The following SMYD1 variants were observed in gnomAD, a reference collection of about 807,000 sequenced individuals.
SMYD1 encodes the protein SET and MYND domain containing 1, also known as histone-lysine N-methyltransferase SMYD1.
A neutral mutation model predicts 54.0 loss-of-function variants in SMYD1; 49 were observed. That is an observed-to-expected ratio of 0.91 (90% CI 0.72 to 1.15). SMYD1 has a LOEUF of 1.15. SMYD1 is among the 50% of genes most tolerant of loss of function. The probability of loss-of-function intolerance (pLI) is 0.00; values close to 1 mark genes in which losing one functional copy is unlikely to be tolerated. For missense variants in SMYD1, 653 were observed against 639.6 expected (o/e 1.02, Z -0.23); for synonymous variants, 269 against 234.2 (o/e 1.15, Z -1.36).
At chr2:88,088,556 C>T (rs1674392322) in intron 3 of SMYD1, among the ~76,000 whole-genome samples, 1 of 152,184 alleles carries the variant, frequency 6.6e-6, no homozygotes, top group African/African-American at 2.4e-5. Flanking sequence ...GCCATTCCTG[C>T]TGTATCTGAA....
At position 88,068,000 on chromosome 2, in the gene SMYD1, A is replaced by G. The variant is rs1558844104; in HGVS notation, c.136A>G (p.Ser46Gly). Residue 46 changes from serine to glycine, a missense_variant and splice_region_variant, in exon 1 of 10, where the codon AGC becomes GGC. Physicochemically the swap from Ser to Gly is moderately conservative, Grantham distance 56. Coordinates refer to ENST00000419482, the MANE Select transcript of SMYD1 (RefSeq NM_198274.4). ...ERAYSAVVFD[S>G]LVNFVCHTCF... Reference sequence around the variant, plus strand: ...GGCTTATTCCGCAGTGGTTTTTGACAGGTATGAAATGTGGGGAGTTGCCTT... The same window carrying G: ...GGCTTATTCCGCAGTGGTTTTTGACGGGTATGAAATGTGGGGAGTTGCCTT... The G allele has an allele frequency of 2.5e-6, 4 of 1,612,630 alleles. No individual in the cohort carries two copies. Among genetic ancestry groups the G allele is most frequent in the Non-Finnish European group, 2.5e-6 (3 of 1,179,470 alleles).
intron 4 of SMYD1, 147 bp downstream of exon 4, chr2:88,091,289 A>G (rs1378166825): frequency 8.3e-6 from 7 of 846,068 alleles, no homozygotes; most frequent in Middle Eastern, 3.6e-4. Context: ...TCATTCCAGA[A>G]TAATTGTGAA....
At chr2:88,071,260 T>G (rs1372061126) in intron 1 of SMYD1, among the ~76,000 whole-genome samples, 1 of 152,200 alleles carries the variant, frequency 6.6e-6, no homozygotes, top group African/African-American at 2.4e-5. Flanking sequence ...ATCACAGAAG[T>G]GTAATTACTA....
chr2:88,068,070 T>C (rs1202149771), intron 1 of SMYD1, 69 bp downstream of exon 1: 4 of 1,518,776 alleles, frequency 2.6e-6, no homozygotes, highest in Non-Finnish European at 3.5e-6. Context: ...AATACTTTGC[T>C]CTCAAAAATC....
At position 88,110,204 on chromosome 2, in the gene SMYD1, T is replaced by A. The variant is rs868443735; in HGVS notation, c.1315-150T>A. The A allele has an allele frequency of 6.1e-4, 401 of 654,544 alleles. 3 individuals carry two copies. The highest frequency in any genetic ancestry group is 4.6e-3 in the East Asian group (137 of 29,482). The allele number at this position is 654,544 out of a possible 1,614,324, so 40.5% of individuals were successfully genotyped here. ...ACATTAGGCCCTTGATGAATGAGTG[T>A]GTGTGTGTGTGTGTGTGTGTGTGTG... On this transcript the variant is annotated intron_variant, in intron 9 of 9. Coordinates refer to ENST00000419482, the MANE Select transcript of SMYD1 (RefSeq NM_198274.4).
At chr2:88,100,666 A>G (rs906803908) in intron 6 of SMYD1, among the ~76,000 whole-genome samples, 2 of 152,156 alleles carry the variant, frequency 1.3e-5, no homozygotes, top group African/African-American at 4.8e-5. Flanking sequence ...GCAGTCACAC[A>G]CTGAAATGAC....
intron 1 of SMYD1, among the ~76,000 whole-genome samples, chr2:88,078,379 A>G (rs1674116124): frequency 6.6e-6 from 1 of 152,214 alleles, no homozygotes. Context: ...ACTGGTCAGT[A>G]GTCTAAAAGA....
intron 6 of SMYD1, among the ~76,000 whole-genome samples, chr2:88,101,885 C>T (rs1389535381): frequency 1.3e-5 from 2 of 152,198 alleles, no homozygotes; most frequent in Non-Finnish European, 1.5e-5. Context: ...GGATTACAGG[C>T]GTGAGCCATC....
rs554571360 is a variant in SMYD1 at position 88,088,210 on chromosome 2, T to G, written c.528+135T>G. 9.6e-6 allele frequency: 10 copies of G among 1,043,684 alleles called. No individual in the cohort carries two copies. The African/African-American group carries it at 1.5e-4, about 15-fold the overall frequency. 64.7% of individuals were successfully genotyped at this position (1,043,684 alleles called of 1,614,324 possible). On this transcript the variant is annotated intron_variant, in intron 3 of 9. Transcript: ENST00000419482. The stretch of plus-strand genomic sequence containing the variant: ...CCTGTCTGCCCTGGACCCTGATTTC[T>G]ATTTCCATAAAGGTCTCATCTAGCC...
intron 1 of SMYD1, among the ~76,000 whole-genome samples, chr2:88,077,646 A>C (rs1406644119): frequency 6.6e-6 from 1 of 151,864 alleles, no homozygotes; most frequent in African/African-American, 2.4e-5. Context: ...GAATCCAAAA[A>C]GTGGCTTTAG....
intron 5 of SMYD1, among the ~76,000 whole-genome samples, chr2:88,094,570 A>G (rs1003996498): frequency 2.0e-5 from 3 of 152,166 alleles, no homozygotes; most frequent in African/African-American, 4.8e-5. Flanking sequence ...CCCCTCCCCC[A>G]ATCTCCAGTT....
At chr2:88,091,277 T>C (rs1049384680) in intron 4 of SMYD1, 135 bp downstream of exon 4, 32 of 929,172 alleles carry the variant, frequency 3.4e-5, no homozygotes, top group Admixed American at 8.3e-5. Context: ...CACATAGAAA[T>C]CTCATTCCAG....
intron 1 of SMYD1, among the ~76,000 whole-genome samples, chr2:88,070,775 C>T (rs964858376): frequency 6.6e-6 from 1 of 151,808 alleles, no homozygotes; most frequent in Non-Finnish European, 1.5e-5. Flanking sequence ...GAAACTCTGT[C>T]TCTACAAAAA....
In SMYD1 at chr2:88,112,435, C is replaced by CT; in HGVS notation, c.*1924dup. On this transcript the variant is annotated 3_prime_UTR_variant, in exon 10 of 10. Coordinates refer to ENST00000419482, the MANE Select transcript of SMYD1 (RefSeq NM_198274.4). ...TGGAATGTACTCTGGATCCCTTCCCCTGCTTTGACCCCCAGACTTTGCTCC... is the reference window on the plus strand; with the variant it reads ...TGGAATGTACTCTGGATCCCTTCCCCTTGCTTTGACCCCCAGACTTTGCTCC... The CT allele has an allele frequency of 2.5e-6, 1 of 407,278 alleles. No individual in the cohort carries two copies. Among genetic ancestry groups the CT allele is most frequent in the South Asian group, 3.9e-5 (1 of 25,438 alleles). The allele number at this position is 407,278 out of a possible 1,614,324, so 25.2% of individuals were successfully genotyped here.
intron 8 of SMYD1, among the ~76,000 whole-genome samples, chr2:88,107,927 C>G (rs1674919244): frequency 6.6e-6 from 1 of 152,250 alleles, no homozygotes; most frequent in Non-Finnish European, 1.5e-5. Context: ...TCGGCTTACA[C>G]TCGGTGCGCT....
intron 8 of SMYD1, among the ~76,000 whole-genome samples, chr2:88,107,299 C>A (rs965666696): frequency 1.3e-5 from 2 of 152,082 alleles, no homozygotes; most frequent in Non-Finnish European, 1.5e-5. Context: ...GTGTTTCTGG[C>A]CAAATAAGTT....
In SMYD1 at chr2:88,091,143, G is replaced by A; in HGVS notation, c.659+1G>A. 1.2e-6 allele frequency: 2 copies of A among 1,613,882 alleles called. No homozygotes were observed. The highest frequency in any genetic ancestry group is 1.7e-6 in the Non-Finnish European group (2 of 1,179,816). ...GTACTGTCATATTTAACAATGGCAAGTGAGTATGTCTTTATGTGGGGGTGT... is the reference window on the plus strand; with the variant it reads ...GTACTGTCATATTTAACAATGGCAAATGAGTATGTCTTTATGTGGGGGTGT... On this transcript the variant is annotated splice_donor_variant, in intron 4 of 9. Transcript: ENST00000419482. LOFTEE classifies it high-confidence loss of function.
At chr2:88,093,357 T>A (rs1674504510) in intron 4 of SMYD1, among the ~76,000 whole-genome samples, 160 bp from the exon 5 acceptor site, 1 of 152,218 alleles carries the variant, frequency 6.6e-6, no homozygotes, top group Non-Finnish European at 1.5e-5. Flanking sequence ...CTAGGCTGTG[T>A]CTTGTCCAGT....
intron 2 of SMYD1, among the ~76,000 whole-genome samples, chr2:88,085,714 T>A (rs935921466): frequency 3.3e-5 from 5 of 152,154 alleles, no homozygotes; most frequent in Non-Finnish European, 7.4e-5. Context: ...TCCTCGGTAT[T>A]TGGAGGCAGC....
Sources: gnomAD v4.1 joint callset for allele counts (sites outside exome capture counted in the v4.1 genomes callset) on GRCh38, gnomAD v4.1.1 for gene constraint, MANE v1.5 for transcripts, NCBI Gene and HGNC (gene_info 2026-07-23, HGNC 2026-07-21) for gene names.